The following KPNA3 variants were observed in gnomAD, a reference collection of about 807,000 sequenced individuals.
KPNA3 encodes the protein karyopherin subunit alpha 3.
Under a neutral mutation model 73.8 loss-of-function variants are expected in KPNA3, and 13 were observed. The observed-to-expected ratio is 0.18, with a 90% confidence interval of 0.11 to 0.28. The LOEUF is 0.28. Ranked by LOEUF, KPNA3 falls within the 10% of genes least tolerant of loss-of-function variation. The pLI, the probability that KPNA3 is intolerant of heterozygous loss-of-function variation, is 1.00. For synonymous variants in KPNA3, 186 were observed against 206.9 expected (o/e 0.90, Z 0.87); for missense variants, 360 against 618.1 (o/e 0.58, Z 4.43).
At position 49,701,739 on chromosome 13, in the gene KPNA3, T is replaced by G; in HGVS notation, c.*61A>C. Reference sequence around the variant, plus strand: ...CTTTTGTTGCTGTTGTTCTTATCATTTGGTAGCCATCTGGTGGTGCTTCAT... The same window carrying G: ...CTTTTGTTGCTGTTGTTCTTATCATGTGGTAGCCATCTGGTGGTGCTTCAT... On this transcript the variant is annotated 3_prime_UTR_variant, in exon 17 of 17. Transcript: ENST00000261667. 1 of 992,582 alleles carries G rather than the reference T, an allele frequency of 1.0e-6. No individual in the cohort carries two copies. Among genetic ancestry groups the G allele is most frequent in the Non-Finnish European group, 1.6e-6 (1 of 614,326 alleles). The allele number at this position is 992,582 out of a possible 1,614,324, so 61.5% of individuals were successfully genotyped here.
At chr13:49,706,007 G>A (rs1372615860) in intron 14 of KPNA3, 91 bp downstream of exon 14, 6 of 1,218,116 alleles carry the variant, frequency 4.9e-6, no homozygotes, top group Admixed American at 2.2e-5. Context: ...TCCCCAAAAA[G>A]AACACAATAC....
intron 1 of KPNA3, among the ~76,000 whole-genome samples, chr13:49,776,143 T>C (rs888452279): frequency 6.6e-6 from 1 of 152,200 alleles, no homozygotes; most frequent in Non-Finnish European, 1.5e-5. Context: ...CTCGAACTCC[T>C]GGCCTCAAGA....
At chr13:49,770,509 G>C (rs1356723012) in intron 1 of KPNA3, among the ~76,000 whole-genome samples, 1 of 151,836 alleles carries the variant, frequency 6.6e-6, no homozygotes, top group Non-Finnish European at 1.5e-5. Context: ...GGCGTATTTT[G>C]AAGTACAAAA....
intron 1 of KPNA3, among the ~76,000 whole-genome samples, chr13:49,761,662 C>T (rs556420804): frequency 6.6e-6 from 1 of 152,374 alleles, no homozygotes; most frequent in Admixed American, 6.5e-5. Context: ...AGCCGCCACC[C>T]CGTCTGGGAA....
intron 2 of KPNA3, among the ~76,000 whole-genome samples, chr13:49,739,706 C>A (rs139005926): frequency 6.6e-6 from 1 of 152,220 alleles, no homozygotes; most frequent in African/African-American, 2.4e-5. Flanking sequence ...TACAGTTCTG[C>A]TACAAGATAA....
chr13:49,719,077 T>C (rs373121732), intron 10 of KPNA3, among the ~76,000 whole-genome samples: 7 of 152,242 alleles, frequency 4.6e-5, no homozygotes, highest in African/African-American at 1.4e-4. Flanking sequence ...TTTTACTCCA[T>C]GGAAAAGTAA....
chr13:49,772,295 T>C (rs1954862132), intron 1 of KPNA3, among the ~76,000 whole-genome samples: 1 of 152,176 alleles, frequency 6.6e-6, no homozygotes, highest in South Asian at 2.1e-4. Flanking sequence ...TAATATGACA[T>C]AAGCTGTGGA....
chr13:49,715,170 A>T (rs923029517), intron 10 of KPNA3, among the ~76,000 whole-genome samples: 11 of 151,964 alleles, frequency 7.2e-5, no homozygotes, highest in African/African-American at 2.2e-4. Flanking sequence ...AGATACAATT[A>T]AAAAAAATTG....
At chr13:49,732,242 T>C (rs1290529299) in intron 6 of KPNA3, 129 bp downstream of exon 6, 11 of 454,730 alleles carry the variant, frequency 2.4e-5, no homozygotes, top group Non-Finnish European at 4.0e-5. Context: ...ATAAGAAAAT[T>C]AAATTAAAAT....
chr13:49,733,549 A>G (rs1954491275), intron 2 of KPNA3, among the ~76,000 whole-genome samples: 3 of 152,164 alleles, frequency 2.0e-5, no homozygotes, highest in African/African-American at 7.2e-5. Context: ...GCGGCCTCCC[A>G]AAGTGCTGGG....
intron 10 of KPNA3, among the ~76,000 whole-genome samples, chr13:49,717,578 CTT>C (rs1451666346): frequency 1.3e-5 from 2 of 151,982 alleles, no homozygotes; most frequent in Non-Finnish European, 2.9e-5. Context: ...CTTGAAATGA[CTT>C]TCTCTCAACC....
In KPNA3 at chr13:49,744,909, T is replaced by G. The variant is rs1012977887; in HGVS notation, c.114+2040A>C. Reference sequence around the variant, plus strand: ...CTTAGAAAAAATAAGCTAATTTCAATTTATCCTTCAGGTTTCAGCTTAAAT... The same window carrying G: ...CTTAGAAAAAATAAGCTAATTTCAAGTTATCCTTCAGGTTTCAGCTTAAAT... On this transcript the variant is annotated intron_variant, in intron 2 of 16. Coordinates refer to ENST00000261667, the MANE Select transcript of KPNA3 (RefSeq NM_002267.4). 2.0e-5 allele frequency among the ~76,000 whole-genome samples: 3 copies of G among 152,186 alleles called. No individual in the cohort carries two copies. The South Asian group carries it at 6.2e-4, about 31-fold the overall frequency.
At chr13:49,754,035 G>A (rs1047175201) in intron 1 of KPNA3, among the ~76,000 whole-genome samples, 8 of 152,166 alleles carry the variant, frequency 5.3e-5, no homozygotes, top group African/African-American at 1.9e-4. Context: ...AGTGGCTCTC[G>A]CCTGTAATCC....
intron 1 of KPNA3, among the ~76,000 whole-genome samples, chr13:49,747,678 T>A (rs2137570018): frequency 6.6e-6 from 1 of 152,330 alleles, no homozygotes; most frequent in East Asian, 1.9e-4. Flanking sequence ...AGAGCGAGAC[T>A]CTGTCTCAAA....
chr13:49,789,559 G>A (rs1431456270), intron 1 of KPNA3, among the ~76,000 whole-genome samples: 2 of 152,074 alleles, frequency 1.3e-5, no homozygotes, highest in Non-Finnish European at 2.9e-5. Context: ...TATCCTATAT[G>A]TGAAAAAATA....
At chr13:49,790,923 G>T (rs1301879432) in intron 1 of KPNA3, among the ~76,000 whole-genome samples, 2 of 152,172 alleles carry the variant, frequency 1.3e-5, no homozygotes, top group Non-Finnish European at 2.9e-5. Flanking sequence ...ATTCCTAATG[G>T]GAAAAGTTCA....
At chr13:49,732,699 AT>A in intron 4 of KPNA3, 42 bp from the exon 5 acceptor site, 1 of 1,455,456 alleles carries the variant, frequency 6.9e-7, no homozygotes, top group South Asian at 1.2e-5. Context: ...AAAAAAAAAA[AT>A]CAATTTCAAA....
intron 2 of KPNA3, among the ~76,000 whole-genome samples, chr13:49,734,954 T>TAGAGAGAGAGAGAGAG (rs10675449): frequency 0.019 from 2,831 of 145,868 alleles, 56 homozygotes; most frequent in Non-Finnish European, 0.027. Flanking sequence ...GAGAGATAGA[T>TAGAGAGAGAGAGAGAG]AGAGAGAGAG....
At chr13:49,725,572 T>C in intron 6 of KPNA3, 71 bp from the exon 7 acceptor site, 1 of 957,992 alleles carries the variant, frequency 1.0e-6, no homozygotes, top group Non-Finnish European at 1.6e-6. Flanking sequence ...TTAAGACTGA[T>C]AAGATATGGC....
Sources: gnomAD v4.1 joint callset for allele counts (sites outside exome capture counted in the v4.1 genomes callset) on GRCh38, gnomAD v4.1.1 for gene constraint, MANE v1.5 for transcripts, NCBI Gene and HGNC (gene_info 2026-07-23, HGNC 2026-07-21) for gene names.